The following PTH2R variants were observed in gnomAD, a reference collection of about 807,000 sequenced individuals.
PTH2R encodes the protein PTH2 receptor.
PTH2R carries 59 observed loss-of-function variants against 60.3 expected under a neutral mutation model. That is an observed-to-expected ratio of 0.98 (90% confidence interval 0.79 to 1.22). The LOEUF is 1.22. PTH2R is among the 50% of genes most tolerant of loss of function. PTH2R has a pLI of 0.00. For synonymous variants in PTH2R, 256 were observed against 243.8 expected, an observed-to-expected ratio of 1.05 and a Z score of -0.47; for missense variants, 749 against 682.6, an observed-to-expected ratio of 1.10 and a Z score of -1.08.
At chr2:208,416,483 A>G (rs1029008218) in intron 1 of PTH2R, among the ~76,000 whole-genome samples, 2 of 152,216 alleles carry the variant, frequency 1.3e-5, no homozygotes, top group South Asian at 4.1e-4. Context: ...TTGCCCTACT[A>G]TGGCTTAGCC....
chr2:208,388,601 C>A (rs1318909023), intron 1 of PTH2R, among the ~76,000 whole-genome samples: 1 of 152,116 alleles, frequency 6.6e-6, no homozygotes, highest in East Asian at 1.9e-4. Flanking sequence ...TCTATCTTTG[C>A]ATAAAATATG....
chr2:208,480,706 A>G (rs988307429), intron 9 of PTH2R, among the ~76,000 whole-genome samples: 4 of 152,248 alleles, frequency 2.6e-5, no homozygotes, highest in African/African-American at 9.6e-5. Context: ...TCTAAAGTAG[A>G]GAAGTAGCTG....
intron 7 of PTH2R, among the ~76,000 whole-genome samples, chr2:208,449,404 A>T: frequency 6.6e-6 from 1 of 151,852 alleles, no homozygotes; most frequent in Non-Finnish European, 1.5e-5. Flanking sequence ...TCTTTGACAC[A>T]TAAATAGACA....
chr2:208,434,594 A>G (rs1702037182), intron 2 of PTH2R, among the ~76,000 whole-genome samples: 1 of 152,228 alleles, frequency 6.6e-6, no homozygotes, highest in Non-Finnish European at 1.5e-5. Flanking sequence ...TTGCTAGAAA[A>G]TAGCATATGA....
At chr2:208,386,851 C>T (rs1701012179) in intron 1 of PTH2R, among the ~76,000 whole-genome samples, 1 of 152,152 alleles carries the variant, frequency 6.6e-6, no homozygotes, top group African/African-American at 2.4e-5. Flanking sequence ...CCACCATCTC[C>T]AAATACTATC....
chr2:208,426,432 G>A (rs1012243372), intron 1 of PTH2R, among the ~76,000 whole-genome samples: 1 of 152,148 alleles, frequency 6.6e-6, no homozygotes, highest in Non-Finnish European at 1.5e-5. Flanking sequence ...AACAGTGCTT[G>A]TATCTACAAC....
intron 2 of PTH2R, among the ~76,000 whole-genome samples, chr2:208,429,195 A>G (rs936505601): frequency 2.0e-5 from 3 of 151,884 alleles, no homozygotes; most frequent in Admixed American, 6.6e-5. Flanking sequence ...TCTGAGTACA[A>G]TGTTTTATAG....
intron 1 of PTH2R, among the ~76,000 whole-genome samples, chr2:208,424,108 C>G (rs540224990): frequency 9.2e-5 from 14 of 152,230 alleles, no homozygotes; most frequent in African/African-American, 3.4e-4. Context: ...CTTCTCTGAC[C>G]CCCGCTCCAG....
chr2:208,451,173 A>ACTCTCT (rs146774540), intron 8 of PTH2R, among the ~76,000 whole-genome samples: 1 of 149,438 alleles, frequency 6.7e-6, no homozygotes, highest in African/African-American at 2.4e-5. Flanking sequence ...CAGTGTTCAT[A>ACTCTCT]CTCTCTCTCT....
At chr2:208,451,171 A>G (rs548666523) in intron 8 of PTH2R, among the ~76,000 whole-genome samples, 7 of 152,126 alleles carry the variant, frequency 4.6e-5, no homozygotes, top group Non-Finnish European at 1.0e-4. Flanking sequence ...GGCAGTGTTC[A>G]TACTCTCTCT....
At chr2:208,385,081 A>G (rs1379629604) in intron 1 of PTH2R, among the ~76,000 whole-genome samples, 1 of 152,008 alleles carries the variant, frequency 6.6e-6, no homozygotes, top group Non-Finnish European at 1.5e-5. Flanking sequence ...AAATGGATGG[A>G]AGAATTTTCT....
At chr2:208,459,394 T>C (rs1220458928) in intron 8 of PTH2R, among the ~76,000 whole-genome samples, 1 of 152,200 alleles carries the variant, frequency 6.6e-6, no homozygotes, top group Non-Finnish European at 1.5e-5. Context: ...TTCATTTCTA[T>C]GGACAGGAAT....
chr2:208,446,828 A>T (rs1284928992), intron 7 of PTH2R, among the ~76,000 whole-genome samples: 3 of 152,164 alleles, frequency 2.0e-5, no homozygotes, highest in Non-Finnish European at 4.4e-5. Flanking sequence ...TATATATCTG[A>T]CTCATTTTTC....
chr2:208,407,173 A>T, intron 1 of PTH2R, 55 bp downstream of exon 1: 1 of 1,374,912 alleles, frequency 7.3e-7, no homozygotes, highest in Admixed American at 3.0e-5. Context: ...GCGGGGACTC[A>T]GCTTTAGCGA....
chr2:208,362,263 C>G (rs1700489023), intron 1 of PTH2R, among the ~76,000 whole-genome samples: 1 of 149,228 alleles, frequency 6.7e-6, no homozygotes, highest in African/African-American at 2.4e-5. Flanking sequence ...TCCTAGTTCT[C>G]TAGCTTGCAT....
chr2:208,473,702 A>G (rs1244926878), intron 9 of PTH2R, among the ~76,000 whole-genome samples: 1 of 152,204 alleles, frequency 6.6e-6, no homozygotes, highest in African/African-American at 2.4e-5. Flanking sequence ...ATTGGTGCCT[A>G]GGAAATATTG....
chr2:208,478,597 G>T (rs1703073702), intron 9 of PTH2R, among the ~76,000 whole-genome samples: 4 of 152,144 alleles, frequency 2.6e-5, no homozygotes, highest in Admixed American at 2.6e-4. Flanking sequence ...TGCTTTGTCA[G>T]ATCTACTGTT....
intron 1 of PTH2R, among the ~76,000 whole-genome samples, chr2:208,366,083 G>T (rs896267456): frequency 1.4e-5 from 2 of 142,362 alleles, no homozygotes; most frequent in Non-Finnish European, 3.0e-5. Flanking sequence ...GTCTCCCAAA[G>T]TTCTGGGATT....
chr2:208,476,837 A>T (rs1481308077), intron 9 of PTH2R, among the ~76,000 whole-genome samples: 1 of 152,126 alleles, frequency 6.6e-6, no homozygotes, highest in Non-Finnish European at 1.5e-5. Flanking sequence ...AGACAAGTGG[A>T]TCCACTGAAG....
Sources: gnomAD v4.1 joint callset for allele counts (sites outside exome capture counted in the v4.1 genomes callset) on GRCh38, gnomAD v4.1.1 for gene constraint, MANE v1.5 for transcripts, NCBI Gene and HGNC (gene_info 2026-07-23, HGNC 2026-07-21) for gene names.